Variants in SATB2 observed in about 807,000 individuals in gnomAD.
SATB2 encodes DNA-binding protein SATB2.
In SATB2, 1 loss-of-function variant was observed where a neutral mutation model predicts 73.4. The ratio of observed to expected loss-of-function variants is 0.01; its 90% CI spans 0.00 to 0.06. SATB2 has a LOEUF of 0.06. Ranked by LOEUF, SATB2 falls within the 10% of genes least tolerant of loss-of-function variation. The pLI is 1.00. For synonymous variants in SATB2, 397 were observed against 367.0 expected (o/e 1.08, Z -0.93); for missense variants, 459 against 945.8 (o/e 0.49, Z 6.75).
chr2:199,365,250 C>A (rs1362449687), intron 6 of SATB2, among the ~76,000 whole-genome samples: 1 of 150,992 alleles, frequency 6.6e-6, no homozygotes, highest in Admixed American at 6.6e-5. Context: ...CTTATGAGCT[C>A]TACATTGTAA....
intron 2 of SATB2, among the ~76,000 whole-genome samples, chr2:199,435,081 C>T (rs1272640401): frequency 6.6e-6 from 1 of 152,088 alleles, no homozygotes; most frequent in Non-Finnish European, 1.5e-5. Flanking sequence ...CACAAGACAA[C>T]TCAGTGTTCA....
rs541894983 is a variant in SATB2, at chr2:199,463,250, C to G, written c.-141+1586G>C. 6.6e-6 allele frequency among the ~76,000 whole-genome samples: 1 copy of G among 152,304 alleles called. No individual in the cohort carries two copies. The highest frequency in any genetic ancestry group is 2.4e-5 in the African/African-American group (1 of 41,572). ...ACCACGCTGCGAGAGAATGACTGCC[C>G]TGCTAATCTAGTTTACTTGTAGAAA... On this transcript the variant is annotated intron_variant, in intron 1 of 11. Coordinates refer to the SATB2 transcript ENST00000260926. The surrounding 1 kb of genome is among the most constrained non-coding windows in gnomAD (Gnocchi z 6.4).
intron 9 of SATB2, among the ~76,000 whole-genome samples, chr2:199,319,491 C>T (rs1324036593): frequency 3.9e-5 from 6 of 152,064 alleles, no homozygotes; most frequent in African/African-American, 1.2e-4. Flanking sequence ...CGTCTTTTTC[C>T]CCTTGTCTGT....
chr2:199,436,541 T>C (rs1485981321), intron 2 of SATB2, among the ~76,000 whole-genome samples: 1 of 152,120 alleles, frequency 6.6e-6, no homozygotes, highest in Non-Finnish European at 1.5e-5. Flanking sequence ...ATACATGAGA[T>C]ACTGAAGAAT....
At chr2:199,298,359 CA>C (rs1419602404) in intron 10 of SATB2, among the ~76,000 whole-genome samples, 1 of 152,156 alleles carries the variant, frequency 6.6e-6, no homozygotes, top group African/African-American at 2.4e-5. Context: ...CCTCTCTATC[CA>C]AACACCTCGC....
At chr2:199,356,243 A>G (rs911285921) in intron 6 of SATB2, among the ~76,000 whole-genome samples, 1 of 135,174 alleles carries the variant, frequency 7.4e-6, no homozygotes, top group African/African-American at 2.5e-5. Flanking sequence ...AAAAAAAAAA[A>G]AAAAGAAAGA....
chr2:199,445,618 G>C (rs1691941374), intron 2 of SATB2, among the ~76,000 whole-genome samples: 1 of 152,100 alleles, frequency 6.6e-6, no homozygotes. Context: ...TAGTTTTGCT[G>C]CATATTACCT....
At chr2:199,337,329 C>T (rs1688365346) in intron 7 of SATB2, among the ~76,000 whole-genome samples, 1 of 152,286 alleles carries the variant, frequency 6.6e-6, no homozygotes, top group South Asian at 2.1e-4. Context: ...CTTTCTTTCT[C>T]TAAGTAACTT....
chr2:199,355,304 A>T (rs1384777879), intron 6 of SATB2, among the ~76,000 whole-genome samples: 1 of 146,234 alleles, frequency 6.8e-6, no homozygotes, highest in Non-Finnish European at 1.5e-5. Context: ...ATATACAAGG[A>T]TGTATGTATA....
chr2:199,381,836 A>G lies in SATB2; in HGVS notation c.347-16T>C. 2 of 1,613,642 alleles carry G rather than the reference A, an allele frequency of 1.2e-6. No homozygotes were observed. The highest frequency in any genetic ancestry group is 1.7e-6 in the Non-Finnish European group (2 of 1,179,660). On this transcript the variant is annotated splice_polypyrimidine_tract_variant and intron_variant, in intron 3 of 10. Coordinates refer to ENST00000417098, the MANE Select transcript of SATB2 (RefSeq NM_001172509.2). The stretch of plus-strand genomic sequence containing the variant: ...TTGATTATTCCTGCACAGGGAAGAA[A>G]AACATAATAAACACATATCTGCTAT...
chr2:199,333,255 C>T (rs1443427898), intron 7 of SATB2, among the ~76,000 whole-genome samples: 1 of 151,998 alleles, frequency 6.6e-6, no homozygotes, highest in Non-Finnish European at 1.5e-5. Flanking sequence ...ACAGATTCTG[C>T]TTCCCAGGAG....
rs534353348 is a variant in SATB2 at position 199,308,438 on chromosome 2, G to C, written c.1740+322C>G. Among the ~76,000 whole-genome samples, 1 of 152,270 alleles carries C rather than the reference G, an allele frequency of 6.6e-6. No homozygotes were observed. The highest frequency in any genetic ancestry group is 1.9e-4 in the East Asian group (1 of 5,172). On this transcript the variant is annotated intron_variant, in intron 10 of 10. Coordinates refer to ENST00000417098, the MANE Select transcript of SATB2 (RefSeq NM_001172509.2). The surrounding 1 kb of genome is among the most constrained non-coding windows in gnomAD (Gnocchi z 4.6). ...TGGAAACCATGTTTTCCGATCGAGA[G>C]ATTTAATTCTCCGTGAGCGCTCTGG...
chr2:199,404,963 G>C (rs193171343), intron 3 of SATB2, among the ~76,000 whole-genome samples: 1 of 152,304 alleles, frequency 6.6e-6, no homozygotes, highest in African/African-American at 2.4e-5. Context: ...AAATCTTAAT[G>C]AGGTTCTACA....
intron 7 of SATB2, among the ~76,000 whole-genome samples, chr2:199,342,426 T>TAAA (rs532281689): frequency 1.6e-5 from 2 of 122,426 alleles, no homozygotes; most frequent in South Asian, 2.5e-4. Context: ...AAAGACTAGC[T>TAAA]AAAAAAAAAA....
chr2:199,279,786 G>A (rs546225872), intron 10 of SATB2, among the ~76,000 whole-genome samples: 1 of 152,228 alleles, frequency 6.6e-6, no homozygotes, highest in East Asian at 1.9e-4. Context: ...TCATTTTTTA[G>A]AACAGAACAT....
chr2:199,398,974 T>C (rs540900412), intron 3 of SATB2, among the ~76,000 whole-genome samples: 1 of 152,288 alleles, frequency 6.6e-6, no homozygotes, highest in East Asian at 1.9e-4. Flanking sequence ...AAGATAAAGA[T>C]ACAGGTAAGA....
At chr2:199,460,988 C>G (rs1473465062), upstream of SATB2, among the ~76,000 whole-genome samples, 1 of 152,078 alleles carries the variant, frequency 6.6e-6, no homozygotes, top group African/African-American at 2.4e-5. The surrounding 1 kb of genome is among the most constrained non-coding windows in gnomAD (Gnocchi z 4.0). Flanking sequence ...TTCCTCTTGT[C>G]CATTTCTGAT....
At chr2:199,340,300 T>G (rs1193824240) in intron 7 of SATB2, among the ~76,000 whole-genome samples, 1 of 152,116 alleles carries the variant, frequency 6.6e-6, no homozygotes, top group African/African-American at 2.4e-5. Flanking sequence ...ACAAAATGAG[T>G]TCCCAAAGGA....
intron 7 of SATB2, among the ~76,000 whole-genome samples, chr2:199,330,988 GTTA>G (rs993422206): frequency 3.3e-5 from 5 of 151,990 alleles, no homozygotes; most frequent in African/African-American, 1.2e-4. Context: ...AATTTGTTTA[GTTA>G]TTATGATTAT....
Sources: allele counts gnomAD v4.1 joint callset (sites outside exome capture counted in the v4.1 genomes callset), GRCh38; gene constraint gnomAD v4.1.1; non-coding constraint Gnocchi (gnomAD v3.1); transcripts MANE v1.5; gene names NCBI Gene and HGNC (gene_info 2026-07-23, HGNC 2026-07-21).